Variants in ADAMTS12 observed in about 807,000 individuals in gnomAD.
The protein encoded by ADAMTS12 is A disintegrin and metalloproteinase with thrombospondin motifs 12.
A neutral mutation model predicts 167.8 loss-of-function variants in ADAMTS12; 118 were observed. The ratio of observed to expected loss-of-function variants is 0.70; its 90% CI spans 0.61 to 0.82. The LOEUF is 0.82. Ranked by LOEUF, ADAMTS12 falls within the 40% of genes least tolerant of loss-of-function variation. The probability of loss-of-function intolerance (pLI) is 0.00; values close to 1 mark genes in which losing one functional copy is unlikely to be tolerated. For synonymous variants in ADAMTS12, 704 were observed against 716.9 expected (o/e 0.98, Z 0.29); for missense variants, 1,916 against 1,998.8 (o/e 0.96, Z 0.79).
At chr5:33,628,605 G>C (rs73080396) in intron 13 of ADAMTS12, among the ~76,000 whole-genome samples, 7,499 of 152,152 alleles carry the variant, frequency 0.049, 657 homozygotes, top group African/African-American at 0.17. Flanking sequence ...AACGAATGCA[G>C]ATTAGACAAA....
intron 3 of ADAMTS12, among the ~76,000 whole-genome samples, chr5:33,705,618 G>C (rs13177077): frequency 6.6e-6 from 1 of 152,040 alleles, no homozygotes; most frequent in Non-Finnish European, 1.5e-5. Flanking sequence ...TTTGAGACCA[G>C]CCTGGCCAAC....
At chr5:33,709,188 C>T (rs186176343) in intron 3 of ADAMTS12, among the ~76,000 whole-genome samples, 3 of 152,142 alleles carry the variant, frequency 2.0e-5, no homozygotes, top group African/African-American at 4.8e-5. Flanking sequence ...GTAATTATTA[C>T]AAAATCAAGA....
chr5:33,530,110 G>A (rs2111728989), intron 23 of ADAMTS12, among the ~76,000 whole-genome samples: 1 of 150,918 alleles, frequency 6.6e-6, no homozygotes, highest in South Asian at 2.1e-4. Flanking sequence ...ATATTTAGTA[G>A]AGACGGGGTT....
chr5:33,532,502 C>T (rs1265799889), intron 23 of ADAMTS12, among the ~76,000 whole-genome samples: 6 of 149,880 alleles, frequency 4.0e-5, no homozygotes, highest in Admixed American at 4.0e-4. Flanking sequence ...CTTTTCTACC[C>T]TTCCTCAAAT....
intron 23 of ADAMTS12, among the ~76,000 whole-genome samples, chr5:33,531,204 A>G (rs1183307500): frequency 6.6e-6 from 1 of 152,192 alleles, no homozygotes; most frequent in African/African-American, 2.4e-5. Flanking sequence ...TGGGAGAATG[A>G]CTGTGGCCCT....
intron 2 of ADAMTS12, among the ~76,000 whole-genome samples, chr5:33,807,048 C>T (rs1424579289): frequency 6.6e-6 from 1 of 152,080 alleles, no homozygotes; most frequent in Non-Finnish European, 1.5e-5. Flanking sequence ...TTCTGAATTC[C>T]TACACACAGC....
chr5:33,675,756 A>T lies in ADAMTS12; in HGVS notation c.915+7262T>A, dbSNP rs1741878648. ...TTTTTTCAACCTTTTCAGCTTCTTA[A>T]TCTCCAAGTCTCAGAAGGGGTTAAG... On this transcript the variant is annotated intron_variant, in intron 5 of 23. Coordinates refer to ENST00000504830, the MANE Select transcript of ADAMTS12 (RefSeq NM_030955.4). Among the ~76,000 whole-genome samples, 7 of 152,166 alleles carry T rather than the reference A, an allele frequency of 4.6e-5. No homozygotes were observed. In the South Asian group the frequency reaches 1.4e-3, roughly 31 times the overall value.
At chr5:33,756,928 T>A (rs1745191403) in intron 2 of ADAMTS12, among the ~76,000 whole-genome samples, 1 of 152,206 alleles carries the variant, frequency 6.6e-6, no homozygotes, top group South Asian at 2.1e-4. Context: ...ACTAACCCCA[T>A]GCAGCTGTTG....
In ADAMTS12 at chr5:33,550,690, C is replaced by T. The variant is rs558243053; in HGVS notation, c.4126-1307G>A. ...AGGTGATTTCTCTTGTAATTTGTCT[C>T]AGCTCCTCTTCTGTTTTCATCCCAC... is the stretch of plus-strand genomic sequence containing the variant. On this transcript the variant is annotated intron_variant, in intron 20 of 23. Transcript: ENST00000504830. 2.0e-4 allele frequency among the ~76,000 whole-genome samples: 31 copies of T among 152,258 alleles called. No homozygotes were observed. The South Asian group carries it at 6.2e-3, about 31-fold the overall frequency.
chr5:33,880,980 CT>C, intron 2 of ADAMTS12, 138 bp downstream of exon 2: 1 of 1,314,038 alleles, frequency 7.6e-7, no homozygotes, highest in Non-Finnish European at 1.0e-6. Context: ...TCGCCAACCA[CT>C]TTGGAGGCCA....
At chr5:33,594,926 T>C (rs1006080135) in intron 17 of ADAMTS12, among the ~76,000 whole-genome samples, 2 of 152,220 alleles carry the variant, frequency 1.3e-5, no homozygotes, top group Admixed American at 6.5e-5. Context: ...ATCCACCCTG[T>C]CACCTGTTTG....
chr5:33,685,386 T>C (rs1561213847), intron 3 of ADAMTS12, among the ~76,000 whole-genome samples: 1 of 152,222 alleles, frequency 6.6e-6, no homozygotes, highest in Non-Finnish European at 1.5e-5. Context: ...CATCTAGGAC[T>C]ATACCTCCTC....
intron 2 of ADAMTS12, among the ~76,000 whole-genome samples, chr5:33,874,815 A>C (rs900827973): frequency 1.3e-5 from 2 of 152,230 alleles, no homozygotes; most frequent in African/African-American, 4.8e-5. Flanking sequence ...CACACCTGTA[A>C]TCCCAGCACT....
At chr5:33,724,012 T>C (rs1447652865) in intron 3 of ADAMTS12, among the ~76,000 whole-genome samples, 1 of 152,210 alleles carries the variant, frequency 6.6e-6, no homozygotes, top group African/African-American at 2.4e-5. Flanking sequence ...CTAGCATCGT[T>C]GTCCTGAATA....
intron 3 of ADAMTS12, among the ~76,000 whole-genome samples, chr5:33,711,814 C>T (rs1743414362): frequency 6.6e-6 from 1 of 152,024 alleles, no homozygotes. Context: ...AAGGAGTGAC[C>T]CTAAGGATAT....
Position 33,616,010 on chromosome 5 carries a change from C to G in ADAMTS12, c.2206G>C (p.Gly736Arg). 2 of 1,614,150 alleles carry G rather than the reference C, an allele frequency of 1.2e-6. No individual in the cohort carries two copies. Among genetic ancestry groups the G allele is most frequent in the Non-Finnish European group, 1.7e-6 (2 of 1,179,994 alleles). ...CTGATGGCCAGGAAGTTTCCAGCTCCCTCAATTTCCATCACTCTTATGTCC... is the reference window on the plus strand; with the variant it reads ...CTGATGGCCAGGAAGTTTCCAGCTCGCTCAATTTCCATCACTCTTATGTCC... ...ARDIRVMEIE[G>R]AGNFLAIRSE... Residue 736 changes from glycine (G) to arginine (R), a missense_variant, in exon 15 of 24, where the codon GGA becomes CGA. Gly to Arg is a moderately radical substitution (Grantham distance 125). Transcript: ENST00000504830.
intron 2 of ADAMTS12, among the ~76,000 whole-genome samples, chr5:33,790,414 A>G (rs1746483995): frequency 6.6e-6 from 1 of 152,096 alleles, no homozygotes; most frequent in African/African-American, 2.4e-5. Context: ...TTAGCTGGGC[A>G]TGGTGGCGCA....
intron 12 of ADAMTS12, among the ~76,000 whole-genome samples, chr5:33,636,746 C>G (rs1740216059): frequency 6.6e-6 from 1 of 152,112 alleles, no homozygotes; most frequent in Admixed American, 6.6e-5. Context: ...TTCTTTAACA[C>G]AGGAAAATCT....
At chr5:33,630,503 A>C (rs1739867141) in intron 13 of ADAMTS12, among the ~76,000 whole-genome samples, 1 of 152,188 alleles carries the variant, frequency 6.6e-6, no homozygotes, top group South Asian at 2.1e-4. Context: ...GGTTTTCCTG[A>C]TAATTCCTCT....
Sources: allele counts gnomAD v4.1 joint callset (sites outside exome capture counted in the v4.1 genomes callset), GRCh38; gene constraint gnomAD v4.1.1; transcripts MANE v1.5; gene names NCBI Gene and HGNC (gene_info 2026-07-23, HGNC 2026-07-21).